The following DCUN1D4 variants were observed in gnomAD, a reference collection of about 807,000 sequenced individuals.
DCUN1D4 encodes the protein DCN1-like protein 4.
DCUN1D4 carries 22 observed loss-of-function variants against 47.9 expected under a neutral mutation model. The ratio of observed to expected loss-of-function variants is 0.46; its 90% CI spans 0.33 to 0.66. DCUN1D4 has a LOEUF of 0.66. Ranked by LOEUF, DCUN1D4 falls within the 30% of genes least tolerant of loss-of-function variation. The pLI is 0.02. For synonymous variants in DCUN1D4, 121 were observed against 112.2 expected (o/e 1.08, Z -0.50); for missense variants, 301 against 340.8 (o/e 0.88, Z 0.92).
At chr4:51,862,895 G>C (rs149260122) in intron 1 of DCUN1D4, among the ~76,000 whole-genome samples, 266 of 152,118 alleles carry the variant, frequency 1.7e-3, no homozygotes, top group Middle Eastern at 3.4e-3. Context: ...CACACTAGTA[G>C]TCCCAGCTAC....
intron 6 of DCUN1D4, among the ~76,000 whole-genome samples, chr4:51,890,423 G>A (rs978712652): frequency 4.6e-5 from 7 of 152,078 alleles, no homozygotes; most frequent in South Asian, 2.1e-4. Context: ...TGCCAGTGTC[G>A]GATATCCTAG....
chr4:51,867,200 A>G (rs1726080460), intron 3 of DCUN1D4, among the ~76,000 whole-genome samples: 1 of 152,168 alleles, frequency 6.6e-6, no homozygotes, highest in Non-Finnish European at 1.5e-5. Context: ...CTGCACCTGG[A>G]TGAGGGGAAC....
rs1320224880 is a variant in DCUN1D4, at chr4:51,891,850, C to T, written c.505C>T (p.Gln169Ter). 6.2e-7 allele frequency: 1 copy of T among 1,608,288 alleles called. No individual in the cohort carries two copies. The highest frequency in any genetic ancestry group is 1.1e-5 in the South Asian group (1 of 90,038). ...GTGGTTAAAAGGAATGACTTCTCTC[C>T]AGTAAGTCCTAGGCTGCACTAGTGG... Reference protein sequence around the residue: ...QEWLKGMTSLQCDTTEKLRNT... With the variant: ...QEWLKGMTSL Residue 169 changes from glutamine to a stop codon, truncating the protein, a stop_gained and splice_region_variant, in exon 7 of 11, where the codon CAA becomes TAA. Transcript: ENST00000334635. LOFTEE classifies it high-confidence loss of function.
intron 3 of DCUN1D4, among the ~76,000 whole-genome samples, chr4:51,870,968 G>C (rs1726798205): frequency 6.6e-6 from 1 of 151,980 alleles, no homozygotes; most frequent in Non-Finnish European, 1.5e-5. Flanking sequence ...CCCTTGCCTG[G>C]ATCTGAGTTT....
intron 3 of DCUN1D4, among the ~76,000 whole-genome samples, chr4:51,866,628 T>TA (rs1725976016): frequency 6.6e-6 from 1 of 152,210 alleles, no homozygotes; most frequent in African/African-American, 2.4e-5. Flanking sequence ...CCACCACTAA[T>TA]AATGCAGGAA....
the DCUN1D4 span, among the ~76,000 whole-genome samples, chr4:51,835,480 A>C: frequency 2.6e-5 from 4 of 152,346 alleles, no homozygotes; most frequent in Non-Finnish European, 5.9e-5. Context: ...CTCAAAGCTA[A>C]AGCTATAAAA....
intron 1 of DCUN1D4, among the ~76,000 whole-genome samples, chr4:51,849,107 C>G (rs1413455129): frequency 6.6e-6 from 1 of 152,164 alleles, no homozygotes; most frequent in Non-Finnish European, 1.5e-5. Flanking sequence ...TGATTAGTGT[C>G]TGTAATGGAC....
chr4:51,910,956 G>T, intron 8 of DCUN1D4, 114 bp from the exon 9 acceptor site: 1 of 1,021,034 alleles, frequency 9.8e-7, no homozygotes. Flanking sequence ...TCTTTAAGGT[G>T]TATGATAAAT....
intron 5 of DCUN1D4, among the ~76,000 whole-genome samples, chr4:51,878,305 T>G (rs1444185509): frequency 3.3e-5 from 5 of 152,202 alleles, no homozygotes; most frequent in Admixed American, 2.6e-4. Flanking sequence ...TTAGTCTTTC[T>G]TTTTGCAATT....
intron 1 of DCUN1D4, chr4:51,843,709 C>G: frequency 8.3e-7 from 1 of 1,208,104 alleles, no homozygotes; most frequent in Non-Finnish European, 1.0e-6. Context: ...TTCCAAAGGG[C>G]TGAGTGGTGC....
In DCUN1D4 at chr4:51,915,175, G is replaced by C. The variant is rs1734212063; in HGVS notation, c.*1591G>C. The C allele has an allele frequency of 6.6e-6, 1 of 152,528 alleles. No homozygotes were observed. Among genetic ancestry groups the C allele is most frequent in the Non-Finnish European group, 1.5e-5 (1 of 68,006 alleles). The allele number at this position is 152,528 out of a possible 1,614,324, so 9.4% of individuals were successfully genotyped here. ...CTATTTTACCATTTCTTTGCAAACA[G>C]TGTTCACATTTTCATATTTTTTCCC... On this transcript the variant is annotated 3_prime_UTR_variant, in exon 11 of 11. Coordinates refer to ENST00000334635, the MANE Select transcript of DCUN1D4 (RefSeq NM_001040402.3).
chr4:51,913,299 T>C lies in DCUN1D4; in HGVS notation c.730T>C (p.Tyr244His). The C allele has an allele frequency of 1.2e-6, 2 of 1,605,186 alleles. No homozygotes were observed. The highest frequency in any genetic ancestry group is 1.7e-6 in the Non-Finnish European group (2 of 1,174,316). Residue 244 changes from tyrosine to histidine, a missense_variant, in exon 10 of 11, where the codon TAC becomes CAC. Coordinates refer to ENST00000334635, the MANE Select transcript of DCUN1D4 (RefSeq NM_001040402.3). ...CTTTTCCCTCCATCAGCAATCAAAATACAAAGTTATTAATAAAGACCAGTG... is the reference window on the plus strand; with the variant it reads ...CTTTTCCCTCCATCAGCAATCAAAACACAAAGTTATTAATAAAGACCAGTG... Reference protein sequence around the residue: ...VFHQFLEQSKYKVINKDQWCN... With the variant: ...VFHQFLEQSKHKVINKDQWCN...
intron 7 of DCUN1D4, among the ~76,000 whole-genome samples, chr4:51,897,037 C>T (rs763265936): frequency 6.6e-6 from 1 of 152,170 alleles, no homozygotes; most frequent in Non-Finnish European, 1.5e-5. Flanking sequence ...TGCTTCTGGG[C>T]CTTTGCCTAT....
At chr4:51,866,684 A>G (rs1354315510) in intron 3 of DCUN1D4, among the ~76,000 whole-genome samples, 1 of 152,240 alleles carries the variant, frequency 6.6e-6, no homozygotes, top group East Asian at 1.9e-4. Context: ...TTTGAATTAG[A>G]TAAGTATTGT....
At chr4:51,886,710 A>G in intron 6 of DCUN1D4, 72 bp downstream of exon 6, 1 of 1,223,522 alleles carries the variant, frequency 8.2e-7, no homozygotes, top group Non-Finnish European at 1.2e-6. Context: ...TCTTTAGCAA[A>G]TAAATAAATA....
chr4:51,882,951 AAAAC>A (rs1397806335), intron 5 of DCUN1D4, among the ~76,000 whole-genome samples: 5 of 152,220 alleles, frequency 3.3e-5, no homozygotes, highest in Non-Finnish European at 7.3e-5. Context: ...TTGCTTAAAA[AAAAC>A]ACCCTTAACA....
At chr4:51,855,151 C>T (rs1723936621) in intron 1 of DCUN1D4, among the ~76,000 whole-genome samples, 2 of 152,206 alleles carry the variant, frequency 1.3e-5, no homozygotes, top group African/African-American at 4.8e-5. Context: ...TCATGAAAGA[C>T]CTCCTGTTGT....
chr4:51,843,409 G>A, intron 1 of DCUN1D4, 142 bp downstream of exon 1: 1 of 1,285,602 alleles, frequency 7.8e-7, no homozygotes. Context: ...TCCCCTCCCG[G>A]GGCCGGGGCG....
intron 1 of DCUN1D4, chr4:51,845,203 G>C (rs906918951): frequency 1.3e-5 from 13 of 985,294 alleles, no homozygotes; most frequent in Non-Finnish European, 1.2e-5. Flanking sequence ...TAAGCACTGG[G>C]TTCCAGCATT....
Sources: gnomAD v4.1 joint callset for allele counts (sites outside exome capture counted in the v4.1 genomes callset) on GRCh38, gnomAD v4.1.1 for gene constraint, MANE v1.5 for transcripts, NCBI Gene and HGNC (gene_info 2026-07-23, HGNC 2026-07-21) for gene names.